The following PGAP1 variants were observed in gnomAD, a reference collection of about 807,000 sequenced individuals.
PGAP1 encodes the protein post-GPI attachment to proteins inositol deacylase 1.
In PGAP1, 76 loss-of-function variants were observed where a neutral mutation model predicts 127.0. The ratio of observed to expected loss-of-function variants is 0.60; its 90% CI spans 0.50 to 0.72. The LOEUF (loss-of-function observed/expected upper bound fraction) is 0.72. Among genes scored for constraint, PGAP1 ranks in the 30% least tolerant of loss-of-function variants. The probability of loss-of-function intolerance (pLI) is 0.00; values close to 1 mark genes in which losing one functional copy is unlikely to be tolerated. For synonymous variants in PGAP1, 362 were observed against 366.5 expected, an observed-to-expected ratio of 0.99 and a Z score of 0.14; for missense variants, 982 against 1,071.3, an observed-to-expected ratio of 0.92 and a Z score of 1.16.
rs984686030 is a variant in PGAP1, at chr2:196,834,438, C to A, written c.*6796G>T. Reference sequence around the variant, plus strand: ...AATGTACAGTTATAAAATTGCAGGGCACTCTTTATCATTTCAAGGCACACT... The same window carrying A: ...AATGTACAGTTATAAAATTGCAGGGAACTCTTTATCATTTCAAGGCACACT... On this transcript the variant is annotated 3_prime_UTR_variant, in exon 27 of 27. Coordinates refer to ENST00000354764, the MANE Select transcript of PGAP1 (RefSeq NM_024989.4). 1 of 152,340 alleles carries A rather than the reference C, an allele frequency of 6.6e-6. No individual in the cohort carries two copies. Among genetic ancestry groups the A allele is most frequent in the Admixed American group, 6.6e-5 (1 of 15,262 alleles). The allele number at this position is 152,340 out of a possible 1,614,324, so 9.4% of individuals were successfully genotyped here.
intron 14 of PGAP1, among the ~76,000 whole-genome samples, chr2:196,874,548 C>G (rs1236845933): frequency 6.6e-6 from 1 of 152,058 alleles, no homozygotes; most frequent in Non-Finnish European, 1.5e-5. Flanking sequence ...AAGGAAAAAG[C>G]AATAACATTA....
At chr2:196,894,988 T>C (rs1416661593) in intron 7 of PGAP1, among the ~76,000 whole-genome samples, 1 of 152,182 alleles carries the variant, frequency 6.6e-6, no homozygotes, top group Non-Finnish European at 1.5e-5. Flanking sequence ...TGCATTTTAG[T>C]TTCCCTGAAT....
At chr2:196,857,204 G>T (rs769457153) in intron 20 of PGAP1, among the ~76,000 whole-genome samples, 6 of 152,156 alleles carry the variant, frequency 3.9e-5, no homozygotes, top group Non-Finnish European at 5.9e-5. Flanking sequence ...AAAATTTCAG[G>T]ATATAAAATC....
chr2:196,922,322 T>C, intron 1 of PGAP1: 3 of 1,148,636 alleles, frequency 2.6e-6, no homozygotes, highest in South Asian at 1.8e-5. Flanking sequence ...TTTATTTCCA[T>C]AACTAACCAA....
intron 10 of PGAP1, among the ~76,000 whole-genome samples, chr2:196,888,138 A>G (rs1701978671): frequency 6.6e-6 from 1 of 152,214 alleles, no homozygotes; most frequent in Admixed American, 6.5e-5. Flanking sequence ...CAAAAGGTGA[A>G]CTAATTACAA....
chr2:196,864,078 A>G (rs946206348), intron 20 of PGAP1, among the ~76,000 whole-genome samples: 3 of 151,960 alleles, frequency 2.0e-5, no homozygotes. Context: ...CAAATAAATT[A>G]AAAATAAAAT....
intron 8 of PGAP1, among the ~76,000 whole-genome samples, chr2:196,892,630 A>C (rs1702138145): frequency 6.6e-6 from 1 of 152,072 alleles, no homozygotes; most frequent in Non-Finnish European, 1.5e-5. Context: ...TTTAACTCTA[A>C]GGAATTATCA....
Position 196,835,819 on chromosome 2 carries a change from T to G in PGAP1, c.*5415A>C, listed in dbSNP as rs1238415726. 1 of 152,338 alleles carries G rather than the reference T, an allele frequency of 6.6e-6. No homozygotes were observed. The highest frequency in any genetic ancestry group is 1.5e-5 in the Non-Finnish European group (1 of 67,860). 9.4% of individuals were successfully genotyped at this position (152,338 alleles called of 1,614,324 possible). A position where few individuals can be genotyped will look rare whatever the true frequency, so the allele number is the denominator to read the frequency against. On this transcript the variant is annotated 3_prime_UTR_variant, in exon 27 of 27. Coordinates refer to ENST00000354764, the MANE Select transcript of PGAP1 (RefSeq NM_024989.4). ...AGAATTCAAATGTGTCTCTTTTTTT[T>G]GCTAAAAAAGGGATGTAAAAAGTCC...
At chr2:196,879,873 C>A (rs1266351343) in intron 13 of PGAP1, among the ~76,000 whole-genome samples, 1 of 152,080 alleles carries the variant, frequency 6.6e-6, no homozygotes, top group East Asian at 1.9e-4. Context: ...GGAACCAGTT[C>A]TCACTTGGAA....
intron 20 of PGAP1, among the ~76,000 whole-genome samples, chr2:196,862,559 A>G (rs2125791025): frequency 6.6e-6 from 1 of 152,244 alleles, no homozygotes; most frequent in South Asian, 2.1e-4. Flanking sequence ...AAAATCTCTA[A>G]TAAAAACTTG....
intron 20 of PGAP1, among the ~76,000 whole-genome samples, chr2:196,853,457 A>G (rs1700781060): frequency 6.6e-6 from 1 of 152,168 alleles, no homozygotes; most frequent in Non-Finnish European, 1.5e-5. Context: ...TCCCAATACT[A>G]GCTTTCTTGT....
intron 2 of PGAP1, 139 bp from the exon 3 acceptor site, chr2:196,916,732 G>C: frequency 1.3e-6 from 1 of 783,316 alleles, no homozygotes; most frequent in Non-Finnish European, 1.9e-6. Context: ...TTCATTAATA[G>C]CACCAATTTA....
intron 20 of PGAP1, among the ~76,000 whole-genome samples, chr2:196,851,638 GAC>G (rs1424944153): frequency 6.6e-6 from 1 of 152,008 alleles, no homozygotes; most frequent in East Asian, 1.9e-4. Context: ...ATTACTTTTG[GAC>G]ACAGTTTGTG....
At chr2:196,895,786 T>A (rs1013115296) in intron 7 of PGAP1, among the ~76,000 whole-genome samples, 3 of 152,130 alleles carry the variant, frequency 2.0e-5, no homozygotes, top group African/African-American at 7.2e-5. Context: ...GAATTAAGTA[T>A]TACCTGGAGA....
intron 19 of PGAP1, 42 bp from the exon 20 acceptor site, chr2:196,865,122 T>C (rs1193642364): frequency 6.6e-6 from 7 of 1,052,838 alleles, no homozygotes; most frequent in Admixed American, 2.7e-5. Flanking sequence ...TGAATATTCA[T>C]GTTAATAAGT....
chr2:196,914,943 A>C (rs908797662), intron 3 of PGAP1, among the ~76,000 whole-genome samples: 3 of 151,852 alleles, frequency 2.0e-5, no homozygotes, highest in African/African-American at 7.3e-5. Context: ...CAGCCTCCCA[A>C]GTAGCTGGGA....
chr2:196,855,541 T>C (rs1454234886), intron 20 of PGAP1, among the ~76,000 whole-genome samples: 1 of 152,084 alleles, frequency 6.6e-6, no homozygotes, highest in Non-Finnish European at 1.5e-5. Flanking sequence ...CAAAAATTAA[T>C]TACATGAGAT....
intron 19 of PGAP1, among the ~76,000 whole-genome samples, chr2:196,867,316 T>C (rs1701274469): frequency 6.6e-6 from 1 of 152,180 alleles, no homozygotes; most frequent in African/African-American, 2.4e-5. Flanking sequence ...TGAGTTCATG[T>C]CCTTTGCAGG....
At chr2:196,865,111 C>T in intron 19 of PGAP1, 31 bp from the exon 20 acceptor site, 1 of 1,213,124 alleles carries the variant, frequency 8.2e-7, no homozygotes, top group Non-Finnish European at 1.2e-6. Context: ...TGGGCAACTC[C>T]TGAATATTCA....
Sources: allele counts gnomAD v4.1 joint callset (sites outside exome capture counted in the v4.1 genomes callset), GRCh38; gene constraint gnomAD v4.1.1; transcripts MANE v1.5; gene names NCBI Gene and HGNC (gene_info 2026-07-23, HGNC 2026-07-21).